The following KIAA0586 variants were observed in gnomAD, a reference collection of about 807,000 sequenced individuals.
The protein encoded by KIAA0586 is protein TALPID3.
KIAA0586 carries 144 observed loss-of-function variants against 169.8 expected under a neutral mutation model. The observed-to-expected ratio is 0.85, with a 90% CI of 0.74 to 0.97. The LOEUF (loss-of-function observed/expected upper bound fraction) is 0.97. Among genes scored for constraint, KIAA0586 ranks in the 50% least tolerant of loss-of-function variants. KIAA0586 has a pLI of 0.00. For missense variants in KIAA0586, 1,854 were observed against 1,823.0 expected, an observed-to-expected ratio of 1.02 and a Z score of -0.31; for synonymous variants, 625 against 612.4, an observed-to-expected ratio of 1.02 and a Z score of -0.30.
chr14:58,534,850 C>T lies in KIAA0586; in HGVS notation c.4430-5221C>T, dbSNP rs190354041. Among the ~76,000 whole-genome samples the T allele has an allele frequency of 1.4e-3, 207 of 152,220 alleles. 1 individual carries two copies. Among genetic ancestry groups the T allele is most frequent in the African/African-American group, 4.9e-3 (202 of 41,536 alleles). Reference sequence around the variant, plus strand: ...CTGAAACTGCCCTATTGGTTTCTTCCATTTTAACTTTTTTATGGAAGAATA... The same window carrying T: ...CTGAAACTGCCCTATTGGTTTCTTCTATTTTAACTTTTTTATGGAAGAATA... On this transcript the variant is annotated intron_variant, in intron 29 of 30. Coordinates refer to ENST00000652326, the MANE Select transcript of KIAA0586 (RefSeq NM_001329943.3).
Position 58,520,938 on chromosome 14 carries a change from A to C in KIAA0586, c.4429+8311A>C, listed in dbSNP as rs141450581. The C allele has an allele frequency of 4.6e-4, 84 of 184,054 alleles. No homozygotes were observed. The East Asian group carries it at 9.6e-3, about 21-fold the overall frequency. The allele number at this position is 184,054 out of a possible 1,614,324, so 11.4% of individuals were successfully genotyped here. A position where few individuals can be genotyped will look rare whatever the true frequency, so the allele number is the denominator to read the frequency against. On this transcript the variant is annotated intron_variant, in intron 29 of 30. Coordinates refer to ENST00000652326, the MANE Select transcript of KIAA0586 (RefSeq NM_001329943.3). ...CATTCTTAGGTTAATCTTTTTTAGC[A>C]TCCCTTTACATAAAGTACCATAGAA...
At chr14:58,494,681 C>CT (rs1198357484) in intron 26 of KIAA0586, among the ~76,000 whole-genome samples, 1 of 152,102 alleles carries the variant, frequency 6.6e-6, no homozygotes, top group East Asian at 1.9e-4. Context: ...ATTATTGTGT[C>CT]TTTAAGCCCT....
In KIAA0586 at chr14:58,508,658, A is replaced by G; in HGVS notation, c.4272A>G (p.Thr1424=). ...SKLVLPTTLL[T]AQENDVNLPV... ...TGGTTCTTCCCACAACACTTCTGAC[A>G]GCACAAGAAAATGATGTTAATTTAC... Residue 1424 remains threonine (T), a synonymous_variant, in exon 28 of 31, where the codon ACA becomes ACG. Transcript: ENST00000652326. 3.8e-6 allele frequency: 6 copies of G among 1,594,490 alleles called. No individual in the cohort carries two copies. Among genetic ancestry groups the G allele is most frequent in the Non-Finnish European group, 5.1e-6 (6 of 1,169,758 alleles).
intron 13 of KIAA0586, 23 bp downstream of exon 13, chr14:58,460,093 T>A: frequency 7.7e-7 from 1 of 1,292,758 alleles, no homozygotes; most frequent in Non-Finnish European, 1.1e-6. Flanking sequence ...TCTGTTCTTT[T>A]AACATAATTG....
rs1388698518 is a variant in KIAA0586, at chr14:58,460,972, CTT to C, written c.1885-12_1885-11del. 5 of 1,544,308 alleles carry C rather than the reference CTT, an allele frequency of 3.2e-6. No individual in the cohort carries two copies. In the Admixed American group the frequency reaches 1.1e-4, roughly 33 times the overall value. On this transcript the variant is annotated splice_polypyrimidine_tract_variant and intron_variant, in intron 13 of 30. Coordinates refer to ENST00000652326, the MANE Select transcript of KIAA0586 (RefSeq NM_001329943.3). ...ACTGTTTTCATGGTGAGTTGAATAA[CTT>C]TGTACACACAGGGGCTTTTGAAAGC...
chr14:58,473,936 T>C (rs184176600), intron 18 of KIAA0586, among the ~76,000 whole-genome samples: 11 of 152,010 alleles, frequency 7.2e-5, no homozygotes, highest in Admixed American at 4.6e-4. Flanking sequence ...AGAGATTTAA[T>C]TGGCTCGTGG....
At chr14:58,461,292 A>G in intron 14 of KIAA0586, 132 bp downstream of exon 14, 1 of 554,184 alleles carries the variant, frequency 1.8e-6, no homozygotes, top group Admixed American at 4.1e-5. Context: ...GGATGGAAAA[A>G]TAATTCCTCT....
chr14:58,532,192 A>AG (rs1047657179), intron 29 of KIAA0586, among the ~76,000 whole-genome samples: 1 of 152,162 alleles, frequency 6.6e-6, no homozygotes, highest in African/African-American at 2.4e-5. Flanking sequence ...ATTGAAAAAA[A>AG]AAAGGAAAAA....
chr14:58,497,719 A>G (rs1195548204), intron 26 of KIAA0586, among the ~76,000 whole-genome samples: 1 of 152,008 alleles, frequency 6.6e-6, no homozygotes, highest in East Asian at 1.9e-4. Context: ...TGTTTAAAGT[A>G]TATTATTCTC....
chr14:58,522,383 A>G (rs1411295932), intron 29 of KIAA0586, among the ~76,000 whole-genome samples: 1 of 152,230 alleles, frequency 6.6e-6, no homozygotes, highest in Non-Finnish European at 1.5e-5. Context: ...CCTTTAGTTG[A>G]GTAGCTCCTG....
Position 58,453,440 on chromosome 14 carries a change from CA to C in KIAA0586, c.1225del (p.Ile409Ter), listed in dbSNP as rs1278661087. On this transcript the variant is annotated frameshift_variant, in exon 9 of 31. Transcript: ENST00000652326. LOFTEE classifies it high-confidence loss of function. ...TCAAACACCACCTCACTAACTAGGT[CA>C]AAAATAGGATGGACTCCTGAGAAAA... is the stretch of plus-strand genomic sequence containing the variant. ...ESSNTTSLTR[S>X]KIGWTPEKTN... is the part of the protein sequence containing the mutation. 4 of 1,518,698 alleles carry C rather than the reference CA, an allele frequency of 2.6e-6. No individual in the cohort carries two copies. The highest frequency in any genetic ancestry group is 2.8e-5 in the African/African-American group (2 of 70,902). 94.1% of individuals were successfully genotyped at this position (1,518,698 alleles called of 1,614,324 possible).
chr14:58,508,584 C>G lies in KIAA0586; in HGVS notation c.4198C>G (p.His1400Asp), dbSNP rs140874828. 7.5e-6 allele frequency: 12 copies of G among 1,596,240 alleles called. No homozygotes were observed. In the East Asian group the frequency reaches 2.7e-4, roughly 36 times the overall value. Residue 1400 changes from histidine to aspartate, a missense_variant, in exon 28 of 31, where the codon CAT becomes GAT. Coordinates refer to ENST00000652326, the MANE Select transcript of KIAA0586 (RefSeq NM_001329943.3). ...GSIYEDSCAS[H>D]GPMSLGELEL... Reference sequence around the variant, plus strand: ...TATTTATGAAGATTCATGTGCTAGTCATGGTCCAATGAGTTTGGGAGAATT... The same window carrying G: ...TATTTATGAAGATTCATGTGCTAGTGATGGTCCAATGAGTTTGGGAGAATT...
chr14:58,478,199 G>A lies in KIAA0586; in HGVS notation c.2944+958G>A, dbSNP rs150223065. 3.1e-3 allele frequency among the ~76,000 whole-genome samples: 473 copies of A among 152,230 alleles called. 4 individuals carry two copies. Among genetic ancestry groups the A allele is most frequent in the African/African-American group, 0.01 (425 of 41,542 alleles). On this transcript the variant is annotated intron_variant, in intron 20 of 30. Transcript: ENST00000652326. The stretch of plus-strand genomic sequence containing the variant: ...CATGCCCAGCTAAAAATCATTTTGG[G>A]TCCAGGCACACAGTGGCTCACGCCT...
Position 58,548,406 on chromosome 14 carries a change from C to T in KIAA0586, c.*474C>T, listed in dbSNP as rs1394352407. On this transcript the variant is annotated 3_prime_UTR_variant, in exon 31 of 31. Coordinates refer to ENST00000652326, the MANE Select transcript of KIAA0586 (RefSeq NM_001329943.3). ...AAAAAGTTTATTGATATGGAATAAT[C>T]TTTGAGATGCACTGTTAAAGTGAAA... The T allele has an allele frequency of 6.6e-6, 1 of 152,298 alleles. No homozygotes were observed. The highest frequency in any genetic ancestry group is 2.4e-5 in the African/African-American group (1 of 41,388). The allele number at this position is 152,298 out of a possible 1,614,324, so 9.4% of individuals were successfully genotyped here.
In KIAA0586 at chr14:58,428,328, C is replaced by A. The variant is rs202124602; in HGVS notation, c.64C>A (p.Arg22Ser). ...KKIKMPVKRL[R>S]EVVSQNHGDH... ...GATTAAGATGCCAGTGAAGAGACTTCGTGAGGTAGTTTCTCAAAATCATGG... is the reference window on the plus strand; with the variant it reads ...GATTAAGATGCCAGTGAAGAGACTTAGTGAGGTAGTTTCTCAAAATCATGG... Residue 22 changes from arginine to serine, a missense_variant, in exon 1 of 31, where the codon CGT becomes AGT. Coordinates refer to ENST00000652326, the MANE Select transcript of KIAA0586 (RefSeq NM_001329943.3). 31 of 1,613,764 alleles carry A rather than the reference C, an allele frequency of 1.9e-5. No homozygotes were observed. In the African/African-American group the frequency reaches 3.5e-4, roughly 18 times the overall value.
In KIAA0586 at chr14:58,444,082, A is replaced by C; in HGVS notation, c.714A>C (p.Leu238Phe). The change falls in exon 6 of 31, where the codon TTA becomes TTC. Residue 238 changes from leucine to phenylalanine, a missense_variant. By Grantham distance (22) the Leu-to-Phe change is conservative (BLOSUM62 0). Coordinates refer to ENST00000652326, the MANE Select transcript of KIAA0586 (RefSeq NM_001329943.3). Reference protein sequence around the residue: ...QTSIQRKQEKLHCHDHEKQMN... With the variant: ...QTSIQRKQEKFHCHDHEKQMN... ...GCATTCAGAGGAAACAAGAGAAATT[A>C]CATTGTCATGATCACGAAAAGCAAA... 1 of 1,613,646 alleles carries C rather than the reference A, an allele frequency of 6.2e-7. No individual in the cohort carries two copies. The highest frequency in any genetic ancestry group is 8.5e-7 in the Non-Finnish European group (1 of 1,179,694).
intron 6 of KIAA0586, among the ~76,000 whole-genome samples, chr14:58,447,296 AT>A (rs1319402625): frequency 6.6e-6 from 1 of 152,072 alleles, no homozygotes; most frequent in Non-Finnish European, 1.5e-5. Context: ...TATTTTGATT[AT>A]TACTCATTGC....
chr14:58,440,324 TTCCTG>T (rs534752607), intron 4 of KIAA0586, among the ~76,000 whole-genome samples: 83 of 152,082 alleles, frequency 5.5e-4, no homozygotes, highest in African/African-American at 1.9e-3. Flanking sequence ...CCCTCCCTCT[TTCCTG>T]TCCTGTCCTG....
intron 15 of KIAA0586, among the ~76,000 whole-genome samples, chr14:58,466,705 G>A (rs191285557): frequency 2.6e-5 from 4 of 152,292 alleles, no homozygotes; most frequent in Admixed American, 2.6e-4. Flanking sequence ...ACTCCAGCCT[G>A]GACAACACAG....
Sources: gnomAD v4.1 joint callset for allele counts (sites outside exome capture counted in the v4.1 genomes callset) on GRCh38, gnomAD v4.1.1 for gene constraint, MANE v1.5 for transcripts, NCBI Gene and HGNC (gene_info 2026-07-23, HGNC 2026-07-21) for gene names.